The following NT5DC1 variants were observed in gnomAD, a reference collection of about 807,000 sequenced individuals.
NT5DC1 encodes 5'-nucleotidase domain-containing protein 1.
A neutral mutation model predicts 59.4 loss-of-function variants in NT5DC1; 42 were observed. The ratio of observed to expected loss-of-function variants is 0.71; its 90% CI spans 0.55 to 0.92. The LOEUF is 0.92. NT5DC1 is among the 40% of genes least tolerant of loss of function. NT5DC1 has a pLI of 0.00. For missense variants in NT5DC1, 501 were observed against 537.1 expected (o/e 0.93, Z 0.66); for synonymous variants, 172 against 188.1 (o/e 0.91, Z 0.70).
intron 6 of NT5DC1, among the ~76,000 whole-genome samples, chr6:116,163,141 A>AAAAAAAAAATATAT (rs761718922): frequency 1.2e-4 from 11 of 88,408 alleles, no homozygotes; most frequent in African/African-American, 5.2e-4. Flanking sequence ...AAAAAAAAAA[A>AAAAAAAAAATATAT]ATATATATAT....
intron 8 of NT5DC1, among the ~76,000 whole-genome samples, chr6:116,232,517 C>A (rs1266531923): frequency 5.2e-5 from 6 of 115,948 alleles, no homozygotes; most frequent in African/African-American, 1.2e-4. Flanking sequence ...AAATATATTA[C>A]TGATTCAGAA....
chr6:116,203,035 A>T (rs1481429225), intron 6 of NT5DC1, among the ~76,000 whole-genome samples: 1 of 151,942 alleles, frequency 6.6e-6, no homozygotes, highest in Non-Finnish European at 1.5e-5. Flanking sequence ...TAATACACAA[A>T]TTTTTTCCCA....
At position 116,238,409 on chromosome 6, in the gene NT5DC1, A is replaced by G. The variant is rs76469023; in HGVS notation, c.1083+61A>G. On this transcript the variant is annotated intron_variant, in intron 10 of 11. Coordinates refer to ENST00000319550, the MANE Select transcript of NT5DC1 (RefSeq NM_152729.3). ...AATATTTATGTTTGAAAGCTAAAGT[A>G]TCTTTATACTACTTGACTCCAAAAT... 726 of 1,189,660 alleles carry G rather than the reference A, an allele frequency of 6.1e-4. 5 individuals carry two copies. In the African/African-American group the frequency reaches 9.7e-3, roughly 16 times the overall value. The allele number at this position is 1,189,660 out of a possible 1,614,324, so 73.7% of individuals were successfully genotyped here. A position where few individuals can be genotyped will look rare whatever the true frequency, so the allele number is the denominator to read the frequency against.
intron 6 of NT5DC1, among the ~76,000 whole-genome samples, chr6:116,177,112 C>G (rs1780751448): frequency 6.6e-6 from 1 of 152,116 alleles, no homozygotes; most frequent in Non-Finnish European, 1.5e-5. Context: ...AGTATAAATA[C>G]TAGTGTCTCA....
At chr6:116,223,562 AG>A (rs1321310903) in intron 8 of NT5DC1, among the ~76,000 whole-genome samples, 2 of 152,242 alleles carry the variant, frequency 1.3e-5, no homozygotes, top group Non-Finnish European at 2.9e-5. Flanking sequence ...AGAGACTGAT[AG>A]GGAGAGAGGT....
At chr6:116,229,764 G>A (rs1252806694) in intron 8 of NT5DC1, among the ~76,000 whole-genome samples, 3 of 152,122 alleles carry the variant, frequency 2.0e-5, no homozygotes, top group African/African-American at 7.2e-5. Flanking sequence ...ACCATTGGGA[G>A]AATCATGAGC....
At chr6:116,176,289 G>A (rs192786143) in intron 6 of NT5DC1, among the ~76,000 whole-genome samples, 38 of 152,232 alleles carry the variant, frequency 2.5e-4, no homozygotes, top group Admixed American at 2.3e-3. Flanking sequence ...CCACAGAGAG[G>A]GTATAGCACC....
In NT5DC1 at chr6:116,145,217, A is replaced by G. The variant is rs73772280; in HGVS notation, c.529+27272A>G. ...TCCTCAACAGAGGACAACTGATAAC[A>G]GCTAACTATTAAATGTCCCCAAAAG... On this transcript the variant is annotated intron_variant, in intron 6 of 11. Coordinates refer to ENST00000319550, the MANE Select transcript of NT5DC1 (RefSeq NM_152729.3). 4.9e-3 allele frequency among the ~76,000 whole-genome samples: 741 copies of G among 152,300 alleles called. 12 individuals are homozygous for G. The highest frequency in any genetic ancestry group is 0.043 in the South Asian group (209 of 4,828).
At chr6:116,241,661 C>T (rs1016426274) in intron 11 of NT5DC1, among the ~76,000 whole-genome samples, 9 of 152,022 alleles carry the variant, frequency 5.9e-5, no homozygotes, top group African/African-American at 1.9e-4. Context: ...CGGTGGCTCA[C>T]GCCTGTAATC....
intron 4 of NT5DC1, among the ~76,000 whole-genome samples, chr6:116,113,971 C>G (rs963269156): frequency 6.6e-6 from 1 of 152,152 alleles, no homozygotes; most frequent in Non-Finnish European, 1.5e-5. Flanking sequence ...TGTCCTAAGT[C>G]TTGGGAGTCC....
intron 6 of NT5DC1, among the ~76,000 whole-genome samples, chr6:116,183,726 C>T (rs1192679423): frequency 6.6e-6 from 1 of 151,788 alleles, no homozygotes; most frequent in Admixed American, 6.6e-5. Flanking sequence ...TATAGCAGGG[C>T]TACTCATTTT....
intron 6 of NT5DC1, among the ~76,000 whole-genome samples, chr6:116,220,122 C>T (rs73566445): frequency 0.047 from 4,703 of 99,140 alleles, 185 homozygotes; most frequent in African/African-American, 0.089. Context: ...GCTGTTTAAC[C>T]TTTTTTTTTT....
At chr6:116,184,391 T>C (rs1420087752) in intron 6 of NT5DC1, among the ~76,000 whole-genome samples, 3 of 152,082 alleles carry the variant, frequency 2.0e-5, no homozygotes, top group Non-Finnish European at 1.5e-5. Flanking sequence ...CTGGTTTTGG[T>C]ATTAGGGTGA....
chr6:116,142,305 G>T (rs1460585863), intron 6 of NT5DC1, among the ~76,000 whole-genome samples: 1 of 150,148 alleles, frequency 6.7e-6, no homozygotes, highest in East Asian at 1.9e-4. Flanking sequence ...AATTTATTTG[G>T]CATATACTTA....
In NT5DC1 at chr6:116,173,204, G is replaced by A. The variant is rs117671976; in HGVS notation, c.530-47850G>A. Among the ~76,000 whole-genome samples the A allele has an allele frequency of 4.9e-4, 74 of 152,220 alleles. 2 individuals carry two copies. The East Asian group carries it at 0.014, about 28-fold the overall frequency. The stretch of plus-strand genomic sequence containing the variant: ...GCCCCTGGCAGTGTTCATCTAAAGT[G>A]TAAACTATAACTGTGTCAGTGGCTA... On this transcript the variant is annotated intron_variant, in intron 6 of 11. Transcript: ENST00000319550.
chr6:116,131,748 A>G (rs995742655), intron 6 of NT5DC1, among the ~76,000 whole-genome samples: 16 of 151,968 alleles, frequency 1.1e-4, no homozygotes, highest in African/African-American at 3.9e-4. Flanking sequence ...ATGGGGCTTT[A>G]TTGTACAGTT....
At chr6:116,140,941 G>T (rs1779749115) in intron 6 of NT5DC1, among the ~76,000 whole-genome samples, 1 of 152,036 alleles carries the variant, frequency 6.6e-6, no homozygotes, top group Admixed American at 6.6e-5. Context: ...ATGTTTCCTG[G>T]CTGCATGCAA....
At position 116,148,046 on chromosome 6, in the gene NT5DC1, G is replaced by T. The variant is rs370276510; in HGVS notation, c.529+30101G>T. Among the ~76,000 whole-genome samples the T allele has an allele frequency of 1.7e-3, 261 of 151,756 alleles. 3 individuals are homozygous for T. The highest frequency in any genetic ancestry group is 5.6e-3 in the African/African-American group (231 of 41,376). ...GTTGTGGACTATGAAAAGACATCCA[G>T]AATATATTTAGTAGAAAAAGAAGTG... On this transcript the variant is annotated intron_variant, in intron 6 of 11. Coordinates refer to ENST00000319550, the MANE Select transcript of NT5DC1 (RefSeq NM_152729.3).
intron 6 of NT5DC1, among the ~76,000 whole-genome samples, chr6:116,148,180 A>G (rs978618747): frequency 4.6e-5 from 7 of 152,148 alleles, no homozygotes; most frequent in African/African-American, 1.7e-4. Flanking sequence ...AACTAGTAAT[A>G]GTGCTTGCAT....
Sources: gnomAD v4.1 joint callset for allele counts (sites outside exome capture counted in the v4.1 genomes callset) on GRCh38, gnomAD v4.1.1 for gene constraint, MANE v1.5 for transcripts, NCBI Gene and HGNC (gene_info 2026-07-23, HGNC 2026-07-21) for gene names.